Variants in ZNF365 observed in about 807,000 individuals in gnomAD.
ZNF365 encodes the protein zinc finger protein 365, also known as protein ZNF365.
A neutral mutation model predicts 35.0 loss-of-function variants in ZNF365; 22 were observed. That is an observed-to-expected ratio of 0.63 (90% CI 0.45 to 0.90). ZNF365 has a LOEUF of 0.90. ZNF365 is among the 40% of genes least tolerant of loss of function. The probability of loss-of-function intolerance (pLI) is 0.00; values close to 1 mark genes in which losing one functional copy is unlikely to be tolerated. For missense variants in ZNF365, 448 were observed against 500.3 expected (o/e 0.90, Z 1.00); for synonymous variants, 188 against 196.2 (o/e 0.96, Z 0.35).
intron 3 of ZNF365, among the ~76,000 whole-genome samples, chr10:62,393,688 A>G (rs1162792444): frequency 2.0e-5 from 3 of 152,238 alleles, no homozygotes; most frequent in Admixed American, 6.5e-5. Flanking sequence ...ATTAATAAAT[A>G]TTTATGTTTG....
chr10:62,468,549 G>T (rs556477703), intron 4 of ZNF365, among the ~76,000 whole-genome samples: 1 of 152,270 alleles, frequency 6.6e-6, no homozygotes, highest in Admixed American at 6.5e-5. Context: ...CAAATTTAGG[G>T]TGAAGCTGGG....
chr10:62,394,916 T>C (rs1366038350), intron 3 of ZNF365, among the ~76,000 whole-genome samples: 1 of 152,156 alleles, frequency 6.6e-6, no homozygotes, highest in Non-Finnish European at 1.5e-5. Flanking sequence ...ACACTGCTTT[T>C]GTAGTGCAGC....
downstream of ZNF365, among the ~76,000 whole-genome samples, chr10:62,402,950 G>C (rs1252841705): frequency 6.6e-6 from 1 of 152,108 alleles, no homozygotes; most frequent in Non-Finnish European, 1.5e-5. Context: ...ATTTGTTTAG[G>C]AGCTGTGAGA....
At chr10:62,478,531 C>T (rs1841169049) in intron 4 of ZNF365, among the ~76,000 whole-genome samples, 1 of 152,204 alleles carries the variant, frequency 6.6e-6, no homozygotes, top group Non-Finnish European at 1.5e-5. Context: ...CCTGCTTCAG[C>T]TCAAGCAGGA....
intron 3 of ZNF365, among the ~76,000 whole-genome samples, chr10:62,457,261 C>T (rs984856704): frequency 5.3e-5 from 8 of 152,158 alleles, no homozygotes; most frequent in Non-Finnish European, 7.3e-5. Flanking sequence ...CCAAATCAAC[C>T]GAATGGAGAC....
At chr10:62,374,856 T>C (rs182263373) in intron 1 of ZNF365, among the ~76,000 whole-genome samples, 222 of 152,286 alleles carry the variant, frequency 1.5e-3, no homozygotes, top group Non-Finnish European at 2.2e-3. Context: ...GAATCCTGAC[T>C]TCCCCTTTCC....
chr10:62,378,628 C>G (rs1839376425), intron 2 of ZNF365, among the ~76,000 whole-genome samples: 1 of 152,206 alleles, frequency 6.6e-6, no homozygotes, highest in South Asian at 2.1e-4. Flanking sequence ...CCAAGCACAT[C>G]CTATCCTGTC....
intron 4 of ZNF365, among the ~76,000 whole-genome samples, chr10:62,479,386 C>T (rs894806130): frequency 5.3e-5 from 8 of 152,190 alleles, no homozygotes; most frequent in African/African-American, 1.7e-4. Flanking sequence ...ACTAAAAACA[C>T]TAACCATATG....
chr10:62,428,859 C>T (rs950935701), intron 3 of ZNF365, among the ~76,000 whole-genome samples: 1 of 152,132 alleles, frequency 6.6e-6, no homozygotes, highest in Non-Finnish European at 1.5e-5. Context: ...TTTAACAGCT[C>T]GCTTGGGAGA....
intron 3 of ZNF365, among the ~76,000 whole-genome samples, chr10:62,445,680 CG>C: frequency 6.6e-6 from 1 of 152,126 alleles, no homozygotes; most frequent in Non-Finnish European, 1.5e-5. Context: ...GTGCTGGATA[CG>C]TGGGATTTGT....
In ZNF365 at chr10:62,436,767, C is replaced by T. The variant is rs1840414129; in HGVS notation, c.925-22974C>T. 2.0e-5 allele frequency among the ~76,000 whole-genome samples: 3 copies of T among 152,134 alleles called. No individual in the cohort carries two copies. The South Asian group carries it at 6.2e-4, about 31-fold the overall frequency. ...CCAATTGGGATCTAGTAAGATCTAG[C>T]CCTGTAGCTGGTAACATTGTGCCAG... On this transcript the variant is annotated intron_variant, in intron 3 of 4. Transcript: ENST00000395255.
intron 3 of ZNF365, among the ~76,000 whole-genome samples, chr10:62,395,835 C>T (rs532546830): frequency 3.9e-4 from 60 of 152,226 alleles, no homozygotes; most frequent in African/African-American, 1.4e-3. Flanking sequence ...TGGTCCCAAG[C>T]ATTTTGGATA....
At chr10:62,435,196 C>T (rs1840389237) in intron 3 of ZNF365, among the ~76,000 whole-genome samples, 1 of 152,156 alleles carries the variant, frequency 6.6e-6, no homozygotes, top group African/African-American at 2.4e-5. Flanking sequence ...TAGACATGAT[C>T]TTCTTCACTC....
At chr10:62,409,683 T>A (rs983568291) in intron 3 of ZNF365, among the ~76,000 whole-genome samples, 4 of 152,124 alleles carry the variant, frequency 2.6e-5, no homozygotes, top group Non-Finnish European at 5.9e-5. Flanking sequence ...TCAAACAGAA[T>A]AATCAGTTTG....
At chr10:62,427,344 C>T (rs538289745) in intron 3 of ZNF365, among the ~76,000 whole-genome samples, 10 of 152,258 alleles carry the variant, frequency 6.6e-5, no homozygotes, top group South Asian at 6.2e-4. Flanking sequence ...CAACCACCTA[C>T]GGTATCCAGT....
In ZNF365 at chr10:62,401,978, G is replaced by A. The variant is rs2132431697; in HGVS notation, c.*2189G>A. 4 of 985,462 alleles carry A rather than the reference G, an allele frequency of 4.1e-6. No individual in the cohort carries two copies. The highest frequency in any genetic ancestry group is 4.8e-6 in the Non-Finnish European group (4 of 829,904). 61.0% of individuals were successfully genotyped at this position (985,462 alleles called of 1,614,324 possible). ...TATAAAGAAATGTGTTATGTATGTT[G>A]TGCCTCCTTAGAGACATAAATTTAG... is the stretch of plus-strand genomic sequence containing the variant. On this transcript the variant is annotated 3_prime_UTR_variant, in exon 5 of 5. Coordinates refer to ENST00000395254, the MANE Select transcript of ZNF365 (RefSeq NM_014951.3).
chr10:62,416,246 A>G (rs1386058012), intron 3 of ZNF365, among the ~76,000 whole-genome samples: 1 of 139,976 alleles, frequency 7.1e-6, no homozygotes, highest in African/African-American at 2.6e-5. Context: ...ATATTACCAG[A>G]AAAAAAAAAA....
Position 62,401,354 on chromosome 10 carries a change from G to A in ZNF365, c.*1565G>A, listed in dbSNP as rs991515083. On this transcript the variant is annotated 3_prime_UTR_variant, in exon 5 of 5. Coordinates refer to ENST00000395254, the MANE Select transcript of ZNF365 (RefSeq NM_014951.3). ...CTGCAATAAGCATCAAATTAGCAGC[G>A]CATTAAAAATAGGAAATAAAGCAGT... is the stretch of plus-strand genomic sequence containing the variant. The A allele has an allele frequency of 1.0e-4, 99 of 985,288 alleles. No homozygotes were observed. The highest frequency in any genetic ancestry group is 8.2e-4 in the African/African-American group (47 of 57,186). 61.0% of individuals were successfully genotyped at this position (985,288 alleles called of 1,614,324 possible).
chr10:62,424,879 T>G (rs1025851988), intron 3 of ZNF365, among the ~76,000 whole-genome samples: 1 of 152,182 alleles, frequency 6.6e-6, no homozygotes, highest in African/African-American at 2.4e-5. Context: ...ACGTTTTTGC[T>G]GGATACCTGT....
Sources: gnomAD v4.1 joint callset for allele counts (sites outside exome capture counted in the v4.1 genomes callset) on GRCh38, gnomAD v4.1.1 for gene constraint, MANE v1.5 for transcripts, NCBI Gene and HGNC (gene_info 2026-07-23, HGNC 2026-07-21) for gene names.